NME7: variants seen among roughly 807,000 people sequenced by gnomAD.
NME7 encodes NME/NM23 family member 7.
In NME7, 41 loss-of-function variants were observed where a neutral mutation model predicts 49.1. The ratio of observed to expected loss-of-function variants is 0.83; its 90% CI spans 0.65 to 1.08. The LOEUF is 1.08. NME7 is among the 50% of genes least tolerant of loss of function. NME7 has a pLI of 0.00. For synonymous variants in NME7, 139 were observed against 150.6 expected, an observed-to-expected ratio of 0.92 and a Z score of 0.56; for missense variants, 423 against 463.4, an observed-to-expected ratio of 0.91 and a Z score of 0.80.
At chr1:169,157,226 A>G (rs939882226) in intron 11 of NME7, among the ~76,000 whole-genome samples, 5 of 152,164 alleles carry the variant, frequency 3.3e-5, no homozygotes, top group African/African-American at 1.2e-4. Context: ...CACTGTCCCC[A>G]TTCATGATAT....
intron 1 of NME7, among the ~76,000 whole-genome samples, chr1:169,333,251 A>C (rs148978262): frequency 3.4e-4 from 52 of 152,254 alleles, no homozygotes; most frequent in African/African-American, 1.2e-3. Flanking sequence ...GGTTCTAAAA[A>C]ATGAAAAAAA....
At chr1:169,222,441 C>A (rs1175768948) in intron 10 of NME7, among the ~76,000 whole-genome samples, 1 of 151,910 alleles carries the variant, frequency 6.6e-6, no homozygotes, top group Non-Finnish European at 1.5e-5. Flanking sequence ...AACTAAAATT[C>A]CAAAGTTGAA....
intron 3 of NME7, among the ~76,000 whole-genome samples, chr1:169,317,978 G>A (rs2268048): frequency 0.1 from 15,644 of 152,118 alleles, 849 homozygotes; most frequent in Admixed American, 0.12. Flanking sequence ...TACAAGTAAG[G>A]GATAGCGTAT....
At chr1:169,347,192 G>T (rs986473216) in intron 1 of NME7, among the ~76,000 whole-genome samples, 2 of 152,000 alleles carry the variant, frequency 1.3e-5, no homozygotes, top group Non-Finnish European at 2.9e-5. Flanking sequence ...ACAGTGAGAC[G>T]CCATCTCTAA....
At chr1:169,218,203 C>A (rs1044274724) in intron 10 of NME7, among the ~76,000 whole-genome samples, 1 of 152,054 alleles carries the variant, frequency 6.6e-6, no homozygotes, top group Non-Finnish European at 1.5e-5. Context: ...AGTTTCTTAC[C>A]GTAGTACAAC....
At chr1:169,296,195 G>A (rs533624178) in intron 6 of NME7, among the ~76,000 whole-genome samples, 16 of 151,888 alleles carry the variant, frequency 1.1e-4, no homozygotes, top group East Asian at 3.9e-4. Context: ...TACAATTCCC[G>A]TCCCACAATT....
At chr1:169,294,440 A>G (rs1453762589) in intron 6 of NME7, among the ~76,000 whole-genome samples, 4 of 152,194 alleles carry the variant, frequency 2.6e-5, no homozygotes, top group Admixed American at 2.0e-4. Flanking sequence ...AATAGTGAGT[A>G]TAAGTCTATG....
intron 3 of NME7, among the ~76,000 whole-genome samples, chr1:169,316,626 C>T (rs1041051985): frequency 2.0e-5 from 3 of 152,186 alleles, no homozygotes; most frequent in Admixed American, 2.0e-4. Flanking sequence ...GTCAGAGAAT[C>T]TTTCCTAGCT....
intron 1 of NME7, among the ~76,000 whole-genome samples, chr1:169,341,235 G>C (rs976244388): frequency 1.3e-5 from 2 of 152,174 alleles, no homozygotes; most frequent in South Asian, 2.1e-4. Flanking sequence ...AGCTCAAGCC[G>C]AGGCTAAAAG....
intron 5 of NME7, 73 bp downstream of exon 5, chr1:169,303,072 T>A (rs1651009825): frequency 1.0e-6 from 1 of 995,940 alleles, no homozygotes; most frequent in Admixed American, 2.0e-5. Flanking sequence ...GTAATAAATT[T>A]TACAAATGTA....
intron 1 of NME7, among the ~76,000 whole-genome samples, chr1:169,330,405 C>T (rs1053141999): frequency 7.2e-5 from 11 of 152,096 alleles, no homozygotes; most frequent in African/African-American, 2.2e-4. Flanking sequence ...AATGGCTGGG[C>T]GTGGTGGATC....
chr1:169,276,392 G>A (rs7514545), intron 7 of NME7, among the ~76,000 whole-genome samples: 14,977 of 132,446 alleles, frequency 0.11, 3,827 homozygotes, highest in East Asian at 0.75. Context: ...TCAGAGATTC[G>A]ACTTCTTCCT....
intron 10 of NME7, among the ~76,000 whole-genome samples, chr1:169,229,185 A>ACCCAT (rs960316336): frequency 6.6e-6 from 1 of 152,206 alleles, no homozygotes; most frequent in African/African-American, 2.4e-5. Flanking sequence ...CTAAAATCAC[A>ACCCAT]CCCATCTCTA....
At chr1:169,144,044 A>G (rs12084964) in intron 11 of NME7, among the ~76,000 whole-genome samples, 17,077 of 152,146 alleles carry the variant, frequency 0.11, 2,184 homozygotes, top group East Asian at 0.73. Context: ...TAAAATAATT[A>G]TATGACTTGA....
At position 169,246,470 on chromosome 1, in the gene NME7, C is replaced by T. The variant is rs369762066; in HGVS notation, c.755-8783G>A. On this transcript the variant is annotated intron_variant, in intron 7 of 11. Transcript: ENST00000367811. Reference sequence around the variant, plus strand: ...TAGCTTTTAAAAGACAGATTTAATTCATCCAATAGATTTCTGATCCTCCAC... The same window carrying T: ...TAGCTTTTAAAAGACAGATTTAATTTATCCAATAGATTTCTGATCCTCCAC... 1.1e-4 allele frequency among the ~76,000 whole-genome samples: 16 copies of T among 152,254 alleles called. No individual in the cohort carries two copies. The East Asian group carries it at 1.2e-3, about 11-fold the overall frequency.
At chr1:169,137,916 T>C (rs1557957787) in intron 11 of NME7, among the ~76,000 whole-genome samples, 5 of 152,180 alleles carry the variant, frequency 3.3e-5, no homozygotes, top group Non-Finnish European at 7.3e-5. Context: ...CAAATCTATT[T>C]ATGGTCTAAT....
At chr1:169,330,376 A>T (rs1652208428) in intron 1 of NME7, among the ~76,000 whole-genome samples, 1 of 152,166 alleles carries the variant, frequency 6.6e-6, no homozygotes, top group African/African-American at 2.4e-5. Context: ...ACCAGTCAGA[A>T]TGGCTACTAA....
At chr1:169,175,441 A>G (rs1016280093) in intron 10 of NME7, among the ~76,000 whole-genome samples, 1 of 152,180 alleles carries the variant, frequency 6.6e-6, no homozygotes, top group Non-Finnish European at 1.5e-5. Flanking sequence ...ATAGTCATTT[A>G]TTATCATTAT....
chr1:169,213,480 TA>T (rs1311159782), intron 10 of NME7, among the ~76,000 whole-genome samples: 3 of 152,178 alleles, frequency 2.0e-5, no homozygotes, highest in African/African-American at 4.8e-5. Context: ...CTCACTGGTT[TA>T]AAAAGTTGTA....
Sources: allele counts gnomAD v4.1 joint callset (sites outside exome capture counted in the v4.1 genomes callset), GRCh38; gene constraint gnomAD v4.1.1; transcripts MANE v1.5; gene names NCBI Gene and HGNC (gene_info 2026-07-23, HGNC 2026-07-21).